Variants in SCN11A observed in about 807,000 individuals in gnomAD.
The protein encoded by SCN11A is sodium voltage-gated channel alpha subunit 11, also known as sodium channel protein type 11 subunit alpha.
Under a neutral mutation model 162.2 loss-of-function variants are expected in SCN11A, and 122 were observed. That is an observed-to-expected ratio of 0.75 (90% CI 0.65 to 0.87). The LOEUF (loss-of-function observed/expected upper bound fraction) is 0.87. SCN11A is among the 40% of genes least tolerant of loss of function. The pLI is 0.00. For missense variants in SCN11A, 2,015 were observed against 2,181.6 expected (o/e 0.92, Z 1.52); for synonymous variants, 758 against 751.5 (o/e 1.01, Z -0.14).
At chr3:38,945,709 T>C (rs1389099880) in intron 6 of SCN11A, among the ~76,000 whole-genome samples, 197 bp from the exon 7 acceptor site, 3 of 152,108 alleles carry the variant, frequency 2.0e-5, no homozygotes, top group African/African-American at 7.2e-5. Context: ...GCCTCCTCAC[T>C]TGGAGAGCTA....
At chr3:38,931,874 C>A (rs1307867226) in intron 7 of SCN11A, among the ~76,000 whole-genome samples, 4 of 152,164 alleles carry the variant, frequency 2.6e-5, no homozygotes, top group Admixed American at 2.6e-4. Flanking sequence ...ATTAGATAAG[C>A]CATTCCATTC....
intron 2 of SCN11A, among the ~76,000 whole-genome samples, chr3:38,987,278 TTCTCTCTC>T (rs10546388): frequency 6.7e-5 from 8 of 119,134 alleles, no homozygotes; most frequent in East Asian, 2.3e-4. Context: ...CCCAGTGCCT[TTCTCTCTC>T]TCTCTCTCTC....
intron 28 of SCN11A, among the ~76,000 whole-genome samples, chr3:38,853,077 T>A (rs978507444): frequency 1.3e-5 from 2 of 152,226 alleles, no homozygotes; most frequent in Non-Finnish European, 2.9e-5. Flanking sequence ...CCTATGTTAA[T>A]GTTGTCTGCA....
intron 2 of SCN11A, among the ~76,000 whole-genome samples, chr3:39,003,692 TTC>T (rs1434623371): frequency 6.6e-6 from 1 of 152,192 alleles, no homozygotes; most frequent in African/African-American, 2.4e-5. Flanking sequence ...CCAGCATCTG[TTC>T]TTTTTTTACT....
In SCN11A at chr3:38,847,726, G is replaced by C. The variant is rs755038120; in HGVS notation, c.4344C>G (p.Thr1448=). Residue 1448 remains threonine, a synonymous_variant, in exon 30 of 30, where the codon ACC becomes ACG. Transcript: ENST00000302328. ...LLSIVSTMIS[T]LENQEHIPFP... Reference sequence around the variant, plus strand: ...AAGGAATGTGCTCCTGATTTTCCAAGGTAGAAATCATTGTACCTCAGGAGA... The same window carrying C: ...AAGGAATGTGCTCCTGATTTTCCAACGTAGAAATCATTGTACCTCAGGAGA... 2.3e-5 allele frequency: 37 copies of C among 1,595,580 alleles called. 1 individual carries two copies. In the South Asian group the frequency reaches 3.8e-4, roughly 16 times the overall value.
At chr3:38,894,167 AAAAC>A (rs1310035442) in intron 19 of SCN11A, among the ~76,000 whole-genome samples, 2 of 150,786 alleles carry the variant, frequency 1.3e-5, no homozygotes, top group South Asian at 2.1e-4. Flanking sequence ...TTTTTTTTCT[AAAAC>A]AAACAAACCA....
At chr3:39,032,133 T>C (rs2031775581) in intron 2 of SCN11A, among the ~76,000 whole-genome samples, 1 of 152,244 alleles carries the variant, frequency 6.6e-6, no homozygotes, top group East Asian at 1.9e-4. Context: ...GATGTCTGTG[T>C]CAGGAGCAGG....
intron 28 of SCN11A, among the ~76,000 whole-genome samples, chr3:38,860,316 G>A (rs1324824078): frequency 6.6e-6 from 1 of 152,032 alleles, no homozygotes; most frequent in African/African-American, 2.4e-5. Context: ...AATTGGCTCT[G>A]ACTAGGCAGG....
At chr3:38,849,546 C>T (rs1357302689) in intron 29 of SCN11A, 1 of 152,096 alleles carries the variant, frequency 6.6e-6, no homozygotes, top group East Asian at 1.9e-4. Context: ...CGCAAAAAAG[C>T]TTCCATTTGG....
intron 2 of SCN11A, among the ~76,000 whole-genome samples, chr3:38,985,529 T>A (rs2030209974): frequency 6.6e-6 from 1 of 150,792 alleles, no homozygotes; most frequent in Non-Finnish European, 1.5e-5. Flanking sequence ...TGACCATGGC[T>A]TGGGTGTGAG....
chr3:39,032,251 A>C (rs913711844), intron 2 of SCN11A, among the ~76,000 whole-genome samples, 129 bp downstream of exon 2: 1 of 152,248 alleles, frequency 6.6e-6, no homozygotes, highest in Non-Finnish European at 1.5e-5. Flanking sequence ...AAAATATCCA[A>C]ATTAACATAT....
At chr3:39,030,082 G>A (rs1559579664) in intron 2 of SCN11A, among the ~76,000 whole-genome samples, 1 of 152,156 alleles carries the variant, frequency 6.6e-6, no homozygotes, top group Admixed American at 6.5e-5. Context: ...GGCAGAAACT[G>A]CTTAAAGATC....
In SCN11A at chr3:38,856,168, G is replaced by T. The variant is rs1305393293; in HGVS notation, c.4057-5417C>A. Among the ~76,000 whole-genome samples, 3 of 152,114 alleles carry T rather than the reference G, an allele frequency of 2.0e-5. No homozygotes were observed. In the East Asian group the frequency reaches 5.8e-4, roughly 29 times the overall value. On this transcript the variant is annotated intron_variant, in intron 28 of 29. Coordinates refer to ENST00000302328, the MANE Select transcript of SCN11A (RefSeq NM_001349253.2). Reference sequence around the variant, plus strand: ...GAAAGTCTGCACCTCTAGCCCAATGGGCAGGCATCCTCTGTGATTGTGAAG... The same window carrying T: ...GAAAGTCTGCACCTCTAGCCCAATGTGCAGGCATCCTCTGTGATTGTGAAG...
At chr3:38,993,244 C>A (rs751002392) in intron 2 of SCN11A, among the ~76,000 whole-genome samples, 1 of 152,228 alleles carries the variant, frequency 6.6e-6, no homozygotes, top group East Asian at 1.9e-4. Context: ...GGACAACATA[C>A]GCCAGACACT....
At chr3:39,035,482 A>G (rs557340912) in intron 1 of SCN11A, among the ~76,000 whole-genome samples, 1 of 152,336 alleles carries the variant, frequency 6.6e-6, no homozygotes, top group Admixed American at 6.5e-5. Flanking sequence ...AAGACCTCAA[A>G]CTATGAAACA....
intron 12 of SCN11A, among the ~76,000 whole-genome samples, chr3:38,909,489 G>A (rs2065855229): frequency 6.6e-6 from 1 of 152,098 alleles, no homozygotes; most frequent in African/African-American, 2.4e-5. Flanking sequence ...AGATAGGGCA[G>A]TAGGGAATCT....
intron 1 of SCN11A, among the ~76,000 whole-genome samples, chr3:39,050,400 C>A (rs1019504545): frequency 1.3e-5 from 2 of 152,196 alleles, no homozygotes; most frequent in Non-Finnish European, 2.9e-5. Flanking sequence ...CACTGATTCC[C>A]CAACACCTAA....
intron 2 of SCN11A, among the ~76,000 whole-genome samples, chr3:38,973,496 A>T (rs2066829979): frequency 1.3e-5 from 2 of 152,304 alleles, no homozygotes; most frequent in South Asian, 4.1e-4. Flanking sequence ...TTTTTATATT[A>T]AAAAACTGTG....
At chr3:38,958,051 C>T (rs1374041745) in intron 3 of SCN11A, among the ~76,000 whole-genome samples, 1 of 152,212 alleles carries the variant, frequency 6.6e-6, no homozygotes, top group Non-Finnish European at 1.5e-5. Context: ...CTGAGGGCTG[C>T]ACACGGACTC....
Sources: allele counts gnomAD v4.1 joint callset (sites outside exome capture counted in the v4.1 genomes callset), GRCh38; gene constraint gnomAD v4.1.1; transcripts MANE v1.5; gene names NCBI Gene and HGNC (gene_info 2026-07-23, HGNC 2026-07-21).